Variants in ZHX2 observed in about 807,000 individuals in gnomAD.
ZHX2 encodes the protein zinc fingers and homeoboxes 2, also known as zinc fingers and homeoboxes protein 2.
A neutral mutation model predicts 21.9 loss-of-function variants in ZHX2; 6 were observed. That is an observed-to-expected ratio of 0.27 (90% CI 0.15 to 0.54). The LOEUF is 0.54. ZHX2 is among the 20% of genes least tolerant of loss of function. The pLI, the probability that ZHX2 is intolerant of heterozygous loss-of-function variation, is 0.95. For missense variants in ZHX2, 908 were observed against 1,090.7 expected, an observed-to-expected ratio of 0.83 and a Z score of 2.36; for synonymous variants, 434 against 437.1, an observed-to-expected ratio of 0.99 and a Z score of 0.09.
At chr8:122,843,239 G>A (rs891632610) in intron 1 of ZHX2, among the ~76,000 whole-genome samples, 3 of 152,182 alleles carry the variant, frequency 2.0e-5, no homozygotes, top group South Asian at 2.1e-4. Flanking sequence ...ATTATTTTAC[G>A]GAGCTTGGTG....
chr8:122,856,997 C>G (rs895691579), intron 1 of ZHX2, among the ~76,000 whole-genome samples: 1 of 152,146 alleles, frequency 6.6e-6, no homozygotes, highest in South Asian at 2.1e-4. Context: ...GCCACCCTGA[C>G]AGCTGCCAGT....
chr8:122,851,101 C>T (rs1272473906), intron 1 of ZHX2, among the ~76,000 whole-genome samples: 1 of 152,168 alleles, frequency 6.6e-6, no homozygotes, highest in Non-Finnish European at 1.5e-5. Context: ...CATTCACACC[C>T]ACCAAAACGT....
At chr8:122,945,435 G>GAAAAAAAAA (rs1812946010) in intron 2 of ZHX2, among the ~76,000 whole-genome samples, 1 of 14,746 alleles carries the variant, frequency 6.8e-5, no homozygotes, top group African/African-American at 3.7e-4. Context: ...CCCTGTCTCT[G>GAAAAAAAAA]CAAAAAAAAA....
chr8:122,874,621 C>T (rs1195700955), intron 2 of ZHX2, among the ~76,000 whole-genome samples: 2 of 152,140 alleles, frequency 1.3e-5, no homozygotes. Context: ...GAGTGAGCCA[C>T]CATGCCCGGC....
intron 2 of ZHX2, among the ~76,000 whole-genome samples, chr8:122,921,432 C>T (rs183748986): frequency 2.2e-3 from 332 of 152,282 alleles, no homozygotes; most frequent in African/African-American, 7.3e-3. Flanking sequence ...ATGAGCACTC[C>T]GGCTGTTTTC....
chr8:122,843,305 C>A (rs1818679906), intron 1 of ZHX2, among the ~76,000 whole-genome samples: 2 of 152,182 alleles, frequency 1.3e-5, no homozygotes, highest in African/African-American at 2.4e-5. Flanking sequence ...ATACTTGTTA[C>A]AAATGTGATC....
intron 1 of ZHX2, among the ~76,000 whole-genome samples, chr8:122,840,433 A>G (rs974090388): frequency 2.0e-5 from 3 of 152,190 alleles, no homozygotes; most frequent in African/African-American, 4.8e-5. Flanking sequence ...AATTTGCCCA[A>G]CTGCAAAATG....
At chr8:122,790,691 T>C (rs1469829124) in intron 1 of ZHX2, among the ~76,000 whole-genome samples, 1 of 152,186 alleles carries the variant, frequency 6.6e-6, no homozygotes, top group African/African-American at 2.4e-5. Flanking sequence ...CATTGCAACC[T>C]CCGCCTCCTG....
chr8:122,899,653 G>A (rs1820180233), intron 2 of ZHX2, among the ~76,000 whole-genome samples: 1 of 152,126 alleles, frequency 6.6e-6, no homozygotes, highest in African/African-American at 2.4e-5. Flanking sequence ...GAGTCTAAGG[G>A]TATTGTGTCT....
At chr8:122,915,192 G>A (rs1820571482) in intron 2 of ZHX2, among the ~76,000 whole-genome samples, 1 of 152,330 alleles carries the variant, frequency 6.6e-6, no homozygotes, top group South Asian at 2.1e-4. Context: ...ACAGCTGTGA[G>A]TGACAACACT....
chr8:122,781,085 T>A (rs997353988), upstream of ZHX2: 1 of 152,100 alleles, frequency 6.6e-6, no homozygotes, highest in Non-Finnish European at 1.5e-5. The surrounding 1 kb of genome is among the most constrained non-coding windows in gnomAD (Gnocchi z 4.6). Context: ...AGTTTTAAAA[T>A]CGTTATTATT....
chr8:122,897,184 G>A lies in ZHX2; in HGVS notation c.-220+33645G>A, dbSNP rs183394077. ...AGATCATGAGAGGCAAAACAGCATG[G>A]TAGCTATGAACCATGTTAAAATTCC... On this transcript the variant is annotated intron_variant, in intron 2 of 3. Transcript: ENST00000314393. 2.6e-5 allele frequency among the ~76,000 whole-genome samples: 4 copies of A among 152,314 alleles called. No homozygotes were observed. In the East Asian group the frequency reaches 7.7e-4, roughly 29 times the overall value.
At chr8:122,956,338 A>ACCCGAG in intron 3 of ZHX2, among the ~76,000 whole-genome samples, 1 of 152,248 alleles carries the variant, frequency 6.6e-6, no homozygotes, top group Admixed American at 6.5e-5. Context: ...GTACCCATTC[A>ACCCGAG]CTGTGGAGCT....
At chr8:122,866,556 G>C (rs1010148591) in intron 2 of ZHX2, among the ~76,000 whole-genome samples, 7 of 152,148 alleles carry the variant, frequency 4.6e-5, no homozygotes, top group Non-Finnish European at 8.8e-5. Context: ...GTGCCTAGGG[G>C]ATCTAAAACT....
At chr8:122,936,542 A>G (rs1812694606) in intron 2 of ZHX2, among the ~76,000 whole-genome samples, 1 of 152,178 alleles carries the variant, frequency 6.6e-6, no homozygotes. Context: ...AAGGCTGAGA[A>G]CTGCTGTTTT....
chr8:122,902,499 T>G (rs1820256193), intron 2 of ZHX2, among the ~76,000 whole-genome samples: 1 of 152,168 alleles, frequency 6.6e-6, no homozygotes, highest in African/African-American at 2.4e-5. Flanking sequence ...TTGTACAAAT[T>G]TATATACATA....
chr8:122,833,452 C>T (rs1484326998), intron 1 of ZHX2, among the ~76,000 whole-genome samples: 2 of 151,930 alleles, frequency 1.3e-5, no homozygotes, highest in African/African-American at 4.8e-5. Context: ...GTAATGCGGA[C>T]GGGGGTGTGG....
At chr8:122,882,463 C>G (rs1278129916) in intron 2 of ZHX2, among the ~76,000 whole-genome samples, 5 of 152,080 alleles carry the variant, frequency 3.3e-5, no homozygotes, top group Non-Finnish European at 7.3e-5. Context: ...CTTCCTCTCT[C>G]TAAAGAATCA....
chr8:122,835,310 CGAG>C (rs1453692372), intron 1 of ZHX2, among the ~76,000 whole-genome samples: 2 of 152,050 alleles, frequency 1.3e-5, no homozygotes, highest in Admixed American at 1.3e-4. Flanking sequence ...GGCGCCCGAG[CGAG>C]TAAGGGCAGG....
Sources: gnomAD v4.1 joint callset for allele counts (sites outside exome capture counted in the v4.1 genomes callset) on GRCh38, gnomAD v4.1.1 for gene constraint, Gnocchi (gnomAD v3.1) non-coding constraint, MANE v1.5 for transcripts, NCBI Gene and HGNC (gene_info 2026-07-23, HGNC 2026-07-21) for gene names.